The following RBM19 variants were observed in gnomAD, a reference collection of about 807,000 sequenced individuals.
The protein encoded by RBM19 is probable RNA-binding protein 19.
A neutral mutation model predicts 116.8 loss-of-function variants in RBM19; 94 were observed. The observed-to-expected ratio is 0.80, with a 90% CI of 0.68 to 0.95. RBM19 has a LOEUF of 0.95. Among genes scored for constraint, RBM19 ranks in the 40% least tolerant of loss-of-function variants. The probability of loss-of-function intolerance (pLI) is 0.00; values close to 1 mark genes in which losing one functional copy is unlikely to be tolerated. For missense variants in RBM19, 1,161 were observed against 1,220.7 expected (o/e 0.95, Z 0.73); for synonymous variants, 475 against 494.1 (o/e 0.96, Z 0.51).
chr12:113,925,706 T>C (rs988241271), intron 17 of RBM19, among the ~76,000 whole-genome samples: 9 of 151,512 alleles, frequency 5.9e-5, no homozygotes, highest in Admixed American at 3.4e-4. Context: ...CCATGTTGCA[T>C]GAAGAGACTG....
intron 22 of RBM19, among the ~76,000 whole-genome samples, chr12:113,846,544 C>T (rs1876990437): frequency 1.3e-5 from 2 of 152,074 alleles, no homozygotes; most frequent in South Asian, 4.2e-4. Context: ...TGGCAAATGC[C>T]GTGGGGAGAT....
chr12:113,847,263 G>A (rs983756521), intron 22 of RBM19, among the ~76,000 whole-genome samples: 23 of 152,148 alleles, frequency 1.5e-4, no homozygotes, highest in African/African-American at 5.6e-4. Flanking sequence ...AACTAGACAT[G>A]CAGCCAAATT....
intron 21 of RBM19, among the ~76,000 whole-genome samples, chr12:113,900,558 T>C (rs1453576109): frequency 1.3e-5 from 2 of 152,060 alleles, no homozygotes; most frequent in African/African-American, 2.4e-5. Flanking sequence ...CGAGAGGTCA[T>C]GTAATCGCCG....
rs115630519 is a variant in RBM19 at position 113,895,528 on chromosome 12, C to A, written c.2558+19441G>T. ...GACACATGTCAGAGAGGGGAAGACG[C>A]CTAACAATACAGAAAACACGACATC... On this transcript the variant is annotated intron_variant, in intron 21 of 23. Coordinates refer to ENST00000261741, the MANE Select transcript of RBM19 (RefSeq NM_016196.4). Among the ~76,000 whole-genome samples the A allele has an allele frequency of 5.5e-3, 845 of 152,260 alleles. 6 individuals carry two copies. Among genetic ancestry groups the A allele is most frequent in the African/African-American group, 0.019 (789 of 41,548 alleles).
chr12:113,864,570 C>T (rs1878665457), intron 21 of RBM19, among the ~76,000 whole-genome samples: 1 of 152,246 alleles, frequency 6.6e-6, no homozygotes, highest in Admixed American at 6.5e-5. Context: ...TCCTGTCTCA[C>T]ATTCCTCTTC....
intron 16 of RBM19, chr12:113,927,495 A>G (rs1380858342): frequency 1.5e-5 from 6 of 402,044 alleles, no homozygotes; most frequent in African/African-American, 8.1e-5. Flanking sequence ...CTTAAACAGG[A>G]CCAGCTCACA....
intron 2 of RBM19, among the ~76,000 whole-genome samples, chr12:113,961,885 T>C (rs1872528736): frequency 6.6e-6 from 1 of 152,158 alleles, no homozygotes; most frequent in South Asian, 2.1e-4. Context: ...CCAGCATCAT[T>C]GAGTGCTTGC....
chr12:113,927,021 C>A, intron 17 of RBM19, 33 bp downstream of exon 17: 1 of 1,596,106 alleles, frequency 6.3e-7, no homozygotes, highest in South Asian at 1.1e-5. Context: ...TCCCATCCCA[C>A]GCCCCTCCCT....
intron 21 of RBM19, among the ~76,000 whole-genome samples, chr12:113,895,415 G>A (rs1017889505): frequency 2.6e-5 from 4 of 152,170 alleles, no homozygotes; most frequent in East Asian, 1.9e-4. Flanking sequence ...TCTGTGAAAT[G>A]GGCTGCCTGG....
At chr12:113,918,315 C>T in intron 20 of RBM19, 77 bp downstream of exon 20, 1 of 1,417,410 alleles carries the variant, frequency 7.1e-7, no homozygotes, top group Non-Finnish European at 1.0e-6. Context: ...GGTTGTGAGA[C>T]AGCCTCCAGG....
intron 9 of RBM19, among the ~76,000 whole-genome samples, chr12:113,949,824 G>A (rs1871326200): frequency 6.6e-6 from 1 of 152,172 alleles, no homozygotes; most frequent in Non-Finnish European, 1.5e-5. Context: ...CGTGCCTGCT[G>A]TGTGTTTCCC....
At chr12:113,917,606 C>T (rs772057021) in intron 20 of RBM19, among the ~76,000 whole-genome samples, 7 of 152,338 alleles carry the variant, frequency 4.6e-5, no homozygotes, top group African/African-American at 1.2e-4. Flanking sequence ...AAGGTCAATT[C>T]GCTGGAAGCT....
At position 113,966,282 on chromosome 12, in the gene RBM19, A is replaced by G; in HGVS notation, c.-55T>C. ...ACACGACTGGTCAGCGTCTTCCACCAAGTTTCACGCTACCGCCCTGGGCGC... is the reference window on the plus strand; with the variant it reads ...ACACGACTGGTCAGCGTCTTCCACCGAGTTTCACGCTACCGCCCTGGGCGC... On this transcript the variant is annotated 5_prime_UTR_variant, in exon 1 of 24. Transcript: ENST00000261741. The G allele has an allele frequency of 6.2e-7, 1 of 1,611,160 alleles. No individual in the cohort carries two copies. The highest frequency in any genetic ancestry group is 8.5e-7 in the Non-Finnish European group (1 of 1,177,322).
intron 22 of RBM19, among the ~76,000 whole-genome samples, chr12:113,847,093 A>G (rs1219838242): frequency 6.6e-6 from 1 of 152,182 alleles, no homozygotes; most frequent in African/African-American, 2.4e-5. Context: ...CCCTTGGGTA[A>G]TCAACTGCCA....
rs1207313775 is a variant in RBM19 at position 113,858,816 on chromosome 12, TC to T, written c.2638del (p.Asp880ThrfsTer35). On this transcript the variant is annotated frameshift_variant, in exon 22 of 24. Coordinates refer to ENST00000261741, the MANE Select transcript of RBM19 (RefSeq NM_016196.4). LOFTEE classifies it high-confidence loss of function. ...CTTCGCATCCTGCTTGGTGAGGAAG[TC>T]CACAAAGCCGAAGCCTCTGTGTGTG... ...TGTHRGFGFV[D>X]FLTKQDAKRA... 6.2e-7 allele frequency: 1 copy of T among 1,613,942 alleles called. No homozygotes were observed. Among genetic ancestry groups the T allele is most frequent in the Non-Finnish European group, 8.5e-7 (1 of 1,180,006 alleles).
chr12:113,912,279 C>T (rs1474534366), intron 21 of RBM19, among the ~76,000 whole-genome samples: 1 of 152,204 alleles, frequency 6.6e-6, no homozygotes, highest in Non-Finnish European at 1.5e-5. Flanking sequence ...CACTGGCTGT[C>T]CCTGTCAGTT....
At chr12:113,919,578 A>C (rs1385871959) in intron 19 of RBM19, among the ~76,000 whole-genome samples, 1 of 152,124 alleles carries the variant, frequency 6.6e-6, no homozygotes, top group Non-Finnish European at 1.5e-5. Context: ...CTCAAGAAAA[A>C]AGAAGAACTT....
chr12:113,958,078 C>A, intron 5 of RBM19, 28 bp from the exon 6 acceptor site: 1 of 1,589,870 alleles, frequency 6.3e-7, no homozygotes. Context: ...CTGGGATCAG[C>A]GACAGCTATG....
intron 1 of RBM19, among the ~76,000 whole-genome samples, chr12:113,963,124 G>A (rs1872638216): frequency 1.3e-5 from 2 of 152,210 alleles, no homozygotes; most frequent in African/African-American, 4.8e-5. Context: ...GCTTCCAGAA[G>A]GACTGCAGCC....
Sources: gnomAD v4.1 joint callset for allele counts (sites outside exome capture counted in the v4.1 genomes callset) on GRCh38, gnomAD v4.1.1 for gene constraint, MANE v1.5 for transcripts, NCBI Gene and HGNC (gene_info 2026-07-23, HGNC 2026-07-21) for gene names.